DNAH11: variants seen among roughly 807,000 people sequenced by gnomAD.
The protein encoded by DNAH11 is axonemal beta dynein heavy chain 11.
In DNAH11, 442 loss-of-function variants were observed where a neutral mutation model predicts 526.0. The observed-to-expected ratio is 0.84, with a 90% CI of 0.78 to 0.91. The LOEUF is 0.91. Ranked by LOEUF, DNAH11 falls within the 40% of genes least tolerant of loss-of-function variation. The pLI is 0.00. For synonymous variants in DNAH11, 2,461 were observed against 1,935.9 expected (o/e 1.27, Z -7.12); for missense variants, 6,989 against 5,448.7 (o/e 1.28, Z -8.90).
At chr7:21,828,535 A>G (rs1204406264) in intron 65 of DNAH11, among the ~76,000 whole-genome samples, 1 of 152,136 alleles carries the variant, frequency 6.6e-6, no homozygotes, top group Admixed American at 6.6e-5. Context: ...TAGTTGTTTG[A>G]CTTTATCTGA....
chr7:21,770,551 G>A (rs1787393526), intron 55 of DNAH11, among the ~76,000 whole-genome samples: 1 of 152,182 alleles, frequency 6.6e-6, no homozygotes, highest in Non-Finnish European at 1.5e-5. Context: ...CCAGCCTCAT[G>A]AGGAGGGACC....
chr7:21,665,943 A>G (rs1369329877), intron 30 of DNAH11, among the ~76,000 whole-genome samples: 1 of 152,126 alleles, frequency 6.6e-6, no homozygotes, highest in Non-Finnish European at 1.5e-5. Flanking sequence ...TCTTCCTTTC[A>G]AAATGGATGT....
intron 76 of DNAH11, among the ~76,000 whole-genome samples, chr7:21,888,461 C>A (rs57104699): frequency 0.26 from 39,755 of 151,918 alleles, 6,135 homozygotes; most frequent in Non-Finnish European, 0.34. Context: ...CTGTGCCTGC[C>A]CCTGATTTCA....
chr7:21,635,503 C>G (rs1379294749), intron 25 of DNAH11, among the ~76,000 whole-genome samples: 2 of 152,046 alleles, frequency 1.3e-5, no homozygotes, highest in Non-Finnish European at 2.9e-5. Context: ...CTTGGCATGA[C>G]TAATAGGCAG....
intron 5 of DNAH11, among the ~76,000 whole-genome samples, chr7:21,563,421 C>A (rs931948722): frequency 3.9e-5 from 6 of 152,198 alleles, no homozygotes; most frequent in Non-Finnish European, 8.8e-5. Context: ...CTTTCCCAGG[C>A]TGGTTTCGAA....
At chr7:21,818,552 C>T (rs1166766056) in intron 65 of DNAH11, among the ~76,000 whole-genome samples, 1 of 152,080 alleles carries the variant, frequency 6.6e-6, no homozygotes, top group Non-Finnish European at 1.5e-5. Context: ...TTATCCAATT[C>T]CTGATTTATG....
intron 56 of DNAH11, 66 bp from the exon 57 acceptor site, chr7:21,778,892 A>T: frequency 6.4e-7 from 1 of 1,558,730 alleles, no homozygotes; most frequent in South Asian, 1.2e-5. Flanking sequence ...ATTCCCAGCA[A>T]TAAGCTCTAT....
At chr7:21,888,571 C>G (rs958118980) in intron 76 of DNAH11, among the ~76,000 whole-genome samples, 1 of 151,532 alleles carries the variant, frequency 6.6e-6, no homozygotes, top group Admixed American at 6.6e-5. Context: ...CTCACTGCAA[C>G]CTCCACCTTC....
At position 21,556,703 on chromosome 7, in the gene DNAH11, G is replaced by C. The variant is rs111991416; in HGVS notation, c.496-2099G>C. Among the ~76,000 whole-genome samples the C allele has an allele frequency of 4.6e-3, 693 of 152,206 alleles. 12 individuals are homozygous for C. The highest frequency in any genetic ancestry group is 0.016 in the African/African-American group (657 of 41,520). ...CCTCCACCCTCAAGAAGGCCACAGT[G>C]TCTGTTGTTCGTTTCTTTGTGCCCA... On this transcript the variant is annotated intron_variant, in intron 2 of 81. Transcript: ENST00000409508.
intron 73 of DNAH11, among the ~76,000 whole-genome samples, 163 bp from the exon 74 acceptor site, chr7:21,873,106 ATGTAT>A (rs776132062): frequency 2.1e-5 from 3 of 142,622 alleles, no homozygotes; most frequent in African/African-American, 8.2e-5. Context: ...TTTTTTTTTG[ATGTAT>A]TGATGTATTG....
intron 54 of DNAH11, among the ~76,000 whole-genome samples, chr7:21,752,644 A>G (rs1320873613): frequency 6.6e-6 from 1 of 152,158 alleles, no homozygotes; most frequent in East Asian, 1.9e-4. Flanking sequence ...CCTCAGATCC[A>G]TTTCTTGTAA....
chr7:21,676,939 C>A (rs937245467), intron 30 of DNAH11, among the ~76,000 whole-genome samples: 1 of 152,152 alleles, frequency 6.6e-6, no homozygotes, highest in African/African-American at 2.4e-5. Context: ...ATTAATTCAT[C>A]TGTTCAGCAT....
At chr7:21,735,044 C>T (rs776249978) in intron 45 of DNAH11, among the ~76,000 whole-genome samples, 2 of 151,780 alleles carry the variant, frequency 1.3e-5, no homozygotes, top group Non-Finnish European at 2.9e-5. Flanking sequence ...GTGGTGCACA[C>T]CTGTAGTCCC....
chr7:21,866,438 C>G (rs1288671332), intron 70 of DNAH11, 32 bp from the exon 71 acceptor site: 2 of 1,583,766 alleles, frequency 1.3e-6, no homozygotes, highest in South Asian at 2.3e-5. Flanking sequence ...ATCGTTCACA[C>G]CATTCCTACT....
intron 24 of DNAH11, 91 bp downstream of exon 24, chr7:21,619,313 G>A (rs1785930022): frequency 1.4e-6 from 2 of 1,462,428 alleles, no homozygotes; most frequent in Non-Finnish European, 9.2e-7. Context: ...TTGATGTCCT[G>A]GGAGCCTGGA....
chr7:21,602,949 T>C (rs1416923144), intron 18 of DNAH11, among the ~76,000 whole-genome samples: 1 of 152,124 alleles, frequency 6.6e-6, no homozygotes, highest in African/African-American at 2.4e-5. Context: ...TAGTACAATA[T>C]TGTGCAACTA....
chr7:21,786,768 G>A lies in DNAH11; in HGVS notation c.9741+1G>A. 4 of 1,613,704 alleles carry A rather than the reference G, an allele frequency of 2.5e-6. No individual in the cohort carries two copies. Among genetic ancestry groups the A allele is most frequent in the Non-Finnish European group, 3.4e-6 (4 of 1,179,692 alleles). On this transcript the variant is annotated splice_donor_variant, in intron 59 of 81. Coordinates refer to ENST00000409508, the MANE Select transcript of DNAH11 (RefSeq NM_001277115.2). LOFTEE classifies it high-confidence loss of function. Reference sequence around the variant, plus strand: ...AGCAGCTAAAGTCTTCATGGGAAAGGTATCAGCCCAGCCTGGCAAGATGAA... The same window carrying A: ...AGCAGCTAAAGTCTTCATGGGAAAGATATCAGCCCAGCCTGGCAAGATGAA...
chr7:21,606,731 A>G lies in DNAH11; in HGVS notation c.3850A>G (p.Lys1284Glu), dbSNP rs763334887. Reference sequence around the variant, plus strand: ...AGAAAATCCATACACAGCGCTTGATAAGGTAATACAGATCTCAAATATCCT... The same window carrying G: ...AGAAAATCCATACACAGCGCTTGATGAGGTAATACAGATCTCAAATATCCT... Reference protein sequence around the residue: ...NAENPYTALDKANEELEALEE... With the variant: ...NAENPYTALDEANEELEALEE... Residue 1284 changes from lysine (K) to glutamate (E), a missense_variant and splice_region_variant, in exon 20 of 82, where the codon AAG becomes GAG. Physicochemically the swap from Lys to Glu is moderately conservative, Grantham distance 56. Coordinates refer to ENST00000409508, the MANE Select transcript of DNAH11 (RefSeq NM_001277115.2). 1 of 1,607,044 alleles carries G rather than the reference A, an allele frequency of 6.2e-7. No homozygotes were observed. Among genetic ancestry groups the G allele is most frequent in the Non-Finnish European group, 8.5e-7 (1 of 1,176,334 alleles).
chr7:21,781,263 C>G (rs1048199100), intron 57 of DNAH11, among the ~76,000 whole-genome samples: 20 of 152,132 alleles, frequency 1.3e-4, no homozygotes, highest in African/African-American at 4.6e-4. Flanking sequence ...TTTAACATGA[C>G]TAAATAAATG....
Sources: allele counts gnomAD v4.1 joint callset (sites outside exome capture counted in the v4.1 genomes callset), GRCh38; gene constraint gnomAD v4.1.1; transcripts MANE v1.5; gene names NCBI Gene and HGNC (gene_info 2026-07-23, HGNC 2026-07-21).